Variants in EFHC2 observed in about 807,000 individuals in gnomAD.
The protein encoded by EFHC2 is EF-hand domain containing 2.
A neutral mutation model predicts 52.7 loss-of-function variants in EFHC2; 18 were observed. The observed-to-expected ratio is 0.34, with a 90% CI of 0.24 to 0.51. The LOEUF (loss-of-function observed/expected upper bound fraction) is 0.51. EFHC2 is among the 20% of genes least tolerant of loss of function. EFHC2 has a pLI of 0.97. For missense variants in EFHC2, 513 were observed against 562.5 expected, an observed-to-expected ratio of 0.91 and a Z score of 0.89; for synonymous variants, 203 against 204.1, an observed-to-expected ratio of 0.99 and a Z score of 0.04.
Position 44,198,387 on chromosome X carries a change from C to T in EFHC2, c.1752-19823G>A, listed in dbSNP as rs562870420. 8.1e-5 allele frequency among the ~76,000 whole-genome samples: 9 copies of T among 111,711 alleles called. No individual in the cohort carries two copies. In the Admixed American group the frequency reaches 8.6e-4, roughly 11 times the overall value. ...TGATTAAGATTTTTAAATAGTGGAA[C>T]TGATTTTAACTAGGCCTATACGATC... On this transcript the variant is annotated intron_variant, in intron 11 of 14. Transcript: ENST00000420999.
At chrX:44,211,869 A>C (rs1209410016) in intron 11 of EFHC2, among the ~76,000 whole-genome samples, 2 of 93,644 alleles carry the variant, frequency 2.1e-5, no homozygotes, top group African/African-American at 1.1e-4. Flanking sequence ...TCCCTCTCAA[A>C]AAAAAAAAAA....
chrX:44,307,632 T>C (rs1405344968), intron 2 of EFHC2, among the ~76,000 whole-genome samples: 1 of 111,949 alleles, frequency 8.9e-6, no homozygotes, highest in Non-Finnish European at 1.9e-5. Flanking sequence ...TAAAGGCAGA[T>C]TAATTCAAAG....
intron 1 of EFHC2, among the ~76,000 whole-genome samples, chrX:44,335,743 AAT>A (rs1161656975): frequency 1.8e-5 from 2 of 112,209 alleles, no homozygotes; most frequent in Non-Finnish European, 3.8e-5. Context: ...CATTGAAAAC[AAT>A]AGTTTTTGAA....
chrX:44,280,860 G>C (rs913223088), intron 2 of EFHC2, among the ~76,000 whole-genome samples: 1 of 112,155 alleles, frequency 8.9e-6, no homozygotes, highest in Non-Finnish European at 1.9e-5. Context: ...GTATATTCTG[G>C]ATAAGCAGAC....
At chrX:44,306,934 G>A (rs2037909754) in intron 2 of EFHC2, among the ~76,000 whole-genome samples, 1 of 112,273 alleles carries the variant, frequency 8.9e-6, no homozygotes, top group Admixed American at 9.4e-5. Flanking sequence ...TCTGATGCAC[G>A]AGGGGCTATG....
intron 1 of EFHC2, among the ~76,000 whole-genome samples, chrX:44,326,717 ATTTTTTTTTTTT>A (rs773265380): frequency 1.1e-4 from 5 of 45,054 alleles, no homozygotes; most frequent in Non-Finnish European, 1.5e-4. Context: ...ATGGAGTCTG[ATTTTTTTTTTTT>A]TTTTTTTTTT....
At chrX:44,204,284 G>C (rs552337501) in intron 11 of EFHC2, among the ~76,000 whole-genome samples, 1 of 105,395 alleles carries the variant, frequency 9.5e-6, no homozygotes, top group African/African-American at 3.4e-5. Context: ...GAAGGAATCA[G>C]GAATCAGCAC....
intron 1 of EFHC2, among the ~76,000 whole-genome samples, chrX:44,336,686 A>G (rs746984127): frequency 4.2e-4 from 47 of 112,279 alleles, no homozygotes; most frequent in Middle Eastern, 4.6e-3. Context: ...TTGTTTAACA[A>G]GTATTGAAAA....
At chrX:44,320,555 C>T (rs149414310) in intron 1 of EFHC2, among the ~76,000 whole-genome samples, 2,480 of 111,450 alleles carry the variant, frequency 0.022, 75 homozygotes, top group African/African-American at 0.077. Context: ...CTAACTGTCT[C>T]TCCTTGCAGT....
At chrX:44,177,894 T>C (rs2036799642) in intron 12 of EFHC2, among the ~76,000 whole-genome samples, 1 of 108,962 alleles carries the variant, frequency 9.2e-6, no homozygotes, top group Non-Finnish European at 1.9e-5. Context: ...CTTTCAAAGA[T>C]ACAGGGCCTC....
At chrX:44,197,837 A>G (rs1002479263) in intron 11 of EFHC2, among the ~76,000 whole-genome samples, 5 of 112,301 alleles carry the variant, frequency 4.5e-5, no homozygotes, top group African/African-American at 1.6e-4. Flanking sequence ...GCCCTGCGGT[A>G]TCCTCTCATT....
At chrX:44,326,995 C>T (rs1279030946) in intron 1 of EFHC2, among the ~76,000 whole-genome samples, 1 of 110,697 alleles carries the variant, frequency 9.0e-6, no homozygotes, top group African/African-American at 3.3e-5. Context: ...TCCCAAAGTG[C>T]TAGGATTACA....
chrX:44,204,234 C>CAAAAAAAAA (rs61512189), intron 11 of EFHC2, among the ~76,000 whole-genome samples: 2 of 55,470 alleles, frequency 3.6e-5, no homozygotes, highest in African/African-American at 1.4e-4. Context: ...GTAGCAAACC[C>CAAAAAAAAA]AAAAAAAAAA....
chrX:44,246,167 A>G (rs1204244561), intron 7 of EFHC2, among the ~76,000 whole-genome samples: 1 of 112,383 alleles, frequency 8.9e-6, no homozygotes, highest in Non-Finnish European at 1.9e-5. Flanking sequence ...TATAAATAAA[A>G]TTAAAATGGC....
chrX:44,176,451 T>C, intron 12 of EFHC2, 67 bp from the exon 13 acceptor site: 1 of 753,661 alleles, frequency 1.3e-6, no homozygotes, highest in Non-Finnish European at 1.9e-6. Flanking sequence ...TTACATACTA[T>C]AGGAAAGAAA....
At chrX:44,299,681 C>T (rs772041285) in intron 2 of EFHC2, among the ~76,000 whole-genome samples, 1 of 112,210 alleles carries the variant, frequency 8.9e-6, no homozygotes, top group East Asian at 2.8e-4. Flanking sequence ...CCTCCTCAGG[C>T]TGTCACAGGC....
rs765466452 is a variant in EFHC2 at position 44,304,491 on chromosome X, T to C, written c.231+8077A>G. On this transcript the variant is annotated intron_variant, in intron 2 of 14. Coordinates refer to ENST00000420999, the MANE Select transcript of EFHC2 (RefSeq NM_025184.4). The stretch of plus-strand genomic sequence containing the variant: ...CTCCTTGAGAATGATTCTTCATTTA[T>C]ATGATGAGGACAACCGTCTATATTT... 8.0e-5 allele frequency among the ~76,000 whole-genome samples: 9 copies of C among 111,827 alleles called. No homozygotes were observed. In the South Asian group the frequency reaches 3.0e-3, roughly 38 times the overall value.
intron 1 of EFHC2, among the ~76,000 whole-genome samples, chrX:44,320,558 C>T (rs2147388601): frequency 9.0e-6 from 1 of 111,503 alleles, no homozygotes; most frequent in South Asian, 3.9e-4. Context: ...ACTGTCTCTC[C>T]TTGCAGTACT....
chrX:44,329,293 T>C (rs1368608641), intron 1 of EFHC2, among the ~76,000 whole-genome samples: 1 of 111,419 alleles, frequency 9.0e-6, no homozygotes, highest in Non-Finnish European at 1.9e-5. Context: ...ACAAATAATC[T>C]TGACAAAGAA....
Sources: gnomAD v4.1 joint callset for allele counts (sites outside exome capture counted in the v4.1 genomes callset) on GRCh38, gnomAD v4.1.1 for gene constraint, MANE v1.5 for transcripts, NCBI Gene and HGNC (gene_info 2026-07-23, HGNC 2026-07-21) for gene names.